The following MOB1A variants were observed in gnomAD, a reference collection of about 807,000 sequenced individuals.
MOB1A encodes the protein MOB kinase activator 1A.
MOB1A carries 10 observed loss-of-function variants against 25.1 expected under a neutral mutation model. The observed-to-expected ratio is 0.40, with a 90% CI of 0.25 to 0.68. The LOEUF (loss-of-function observed/expected upper bound fraction) is 0.68, where lower values mean the gene tolerates loss of function less well. MOB1A is among the 30% of genes least tolerant of loss of function. The pLI is 0.40. For missense variants in MOB1A, 177 were observed against 256.3 expected (o/e 0.69, Z 2.11); for synonymous variants, 81 against 79.5 (o/e 1.02, Z -0.10).
intron 1 of MOB1A, among the ~76,000 whole-genome samples, chr2:74,174,196 A>C (rs1572967301): frequency 6.9e-6 from 1 of 144,928 alleles, no homozygotes; most frequent in East Asian, 2.2e-4. Context: ...GCTTGAACCC[A>C]GGAGGCGGAG....
intron 4 of MOB1A, chr2:74,164,530 A>AAG (rs1693070588): frequency 6.9e-6 from 1 of 144,856 alleles, no homozygotes; most frequent in East Asian, 1.9e-4. Flanking sequence ...AAAATAAAAA[A>AAG]ATAAAAAAAG....
Position 74,154,845 on chromosome 2 carries a change from TTC to T in MOB1A, c.*1721_*1722del, listed in dbSNP as rs796834828. ...TTGTGGAATGTCTAATAGAGGGCTT[TTC>T]TCTCTTTTTTTTAATAATGACTGTC... On this transcript the variant is annotated 3_prime_UTR_variant, in exon 6 of 6. Coordinates refer to ENST00000396049, the MANE Select transcript of MOB1A (RefSeq NM_018221.5). 2.0e-5 allele frequency: 3 copies of T among 152,184 alleles called. No individual in the cohort carries two copies. Among genetic ancestry groups the T allele is most frequent in the Non-Finnish European group, 2.9e-5 (2 of 68,024 alleles). The allele number at this position is 152,184 out of a possible 1,614,324, so 9.4% of individuals were successfully genotyped here. A position where few individuals can be genotyped will look rare whatever the true frequency, so the allele number is the denominator to read the frequency against.
At position 74,154,790 on chromosome 2, in the gene MOB1A, T is replaced by C. The variant is rs1692757176; in HGVS notation, c.*1778A>G. On this transcript the variant is annotated 3_prime_UTR_variant, in exon 6 of 6. Transcript: ENST00000396049. ...CATGAACATACAGAATGGCTGACAT[T>C]TGGACCTTTGGATAAGCTTAAAACA... The C allele has an allele frequency of 6.6e-6, 1 of 152,200 alleles. No individual in the cohort carries two copies. The highest frequency in any genetic ancestry group is 6.5e-5 in the Admixed American group (1 of 15,268). The allele number at this position is 152,200 out of a possible 1,614,324, so 9.4% of individuals were successfully genotyped here. A position where few individuals can be genotyped will look rare whatever the true frequency, so the allele number is the denominator to read the frequency against.
At chr2:74,165,601 C>A (rs1221711297) in intron 3 of MOB1A, among the ~76,000 whole-genome samples, 1 of 151,914 alleles carries the variant, frequency 6.6e-6, no homozygotes, top group African/African-American at 2.4e-5. Context: ...TTATTAACAA[C>A]ACAGCCCTGG....
rs1426323487 is a variant in MOB1A at position 74,168,077 on chromosome 2, T to G, written c.182-970A>C. On this transcript the variant is annotated intron_variant, in intron 2 of 5. Transcript: ENST00000396049. ...CTGCTTGAGCCCAGGAGGCTGAGGTTGCCGTGAGCTGTGATGGTGCTACTG... is the reference window on the plus strand; with the variant it reads ...CTGCTTGAGCCCAGGAGGCTGAGGTGGCCGTGAGCTGTGATGGTGCTACTG... Among the ~76,000 whole-genome samples, 5 of 152,328 alleles carry G rather than the reference T, an allele frequency of 3.3e-5. No homozygotes were observed. In the East Asian group the frequency reaches 9.6e-4, roughly 29 times the overall value.
At chr2:74,170,724 CAA>C (rs34655105) in intron 2 of MOB1A, among the ~76,000 whole-genome samples, 4 of 121,884 alleles carry the variant, frequency 3.3e-5, no homozygotes, top group African/African-American at 6.2e-5. Flanking sequence ...GATTCCATCT[CAA>C]AAAAAAAAAA....
intron 1 of MOB1A, among the ~76,000 whole-genome samples, chr2:74,176,712 C>A (rs1286032595): frequency 6.8e-6 from 1 of 147,248 alleles, no homozygotes; most frequent in South Asian, 2.1e-4. Flanking sequence ...TACAGTGAGC[C>A]GAGATTGAGC....
rs1692809298 is a variant in MOB1A at position 74,156,434 on chromosome 2, T to C, written c.*134A>G. 2.7e-6 allele frequency: 2 copies of C among 733,872 alleles called. No homozygotes were observed. The highest frequency in any genetic ancestry group is 2.7e-5 in the Admixed American group (1 of 37,332). The allele number at this position is 733,872 out of a possible 1,614,324, so 45.5% of individuals were successfully genotyped here. A position where few individuals can be genotyped will look rare whatever the true frequency, so the allele number is the denominator to read the frequency against. ...CCAACCTACCTTTGGGATAATTTTA[T>C]CAGTAGACACAGGCAATGGGTATCT... On this transcript the variant is annotated 3_prime_UTR_variant, in exon 6 of 6. Coordinates refer to ENST00000396049, the MANE Select transcript of MOB1A (RefSeq NM_018221.5).
intron 1 of MOB1A, among the ~76,000 whole-genome samples, chr2:74,175,603 T>C (rs1429221146): frequency 6.6e-6 from 1 of 152,198 alleles, no homozygotes; most frequent in Non-Finnish European, 1.5e-5. Flanking sequence ...CCTCTAGATA[T>C]GGATAAGAAT....
chr2:74,178,709 GCC>G lies in MOB1A; in HGVS notation c.-37_-36del. The stretch of plus-strand genomic sequence containing the variant: ...TCAGAGGGGAGGCGAGGGGCCCCTG[GCC>G]CCCGCCTGGATCAGGATTCGGAGCT... On this transcript the variant is annotated 5_prime_UTR_variant, in exon 1 of 6. Coordinates refer to ENST00000396049, the MANE Select transcript of MOB1A (RefSeq NM_018221.5). 8.2e-7 allele frequency: 1 copy of G among 1,219,878 alleles called. No homozygotes were observed. Among genetic ancestry groups the G allele is most frequent in the Non-Finnish European group, 1.0e-6 (1 of 956,820 alleles). 75.6% of individuals were successfully genotyped at this position (1,219,878 alleles called of 1,614,324 possible). A position where few individuals can be genotyped will look rare whatever the true frequency, so the allele number is the denominator to read the frequency against.
At chr2:74,170,218 T>G (rs1482600637) in intron 2 of MOB1A, among the ~76,000 whole-genome samples, 1 of 151,740 alleles carries the variant, frequency 6.6e-6, no homozygotes, top group Non-Finnish European at 1.5e-5. Context: ...CTCAGCTCAC[T>G]GCAACCTCCA....
At chr2:74,170,256 A>G (rs1693249709) in intron 2 of MOB1A, among the ~76,000 whole-genome samples, 3 of 151,728 alleles carry the variant, frequency 2.0e-5, no homozygotes, top group Admixed American at 2.0e-4. Flanking sequence ...CTCCTGCCTC[A>G]GCCTCCAAGT....
At chr2:74,169,608 A>AT (rs1402567616) in intron 2 of MOB1A, among the ~76,000 whole-genome samples, 2 of 151,586 alleles carry the variant, frequency 1.3e-5, no homozygotes, top group Admixed American at 6.6e-5. Context: ...GTTCTCAATA[A>AT]TTTTTTTTGT....
chr2:74,174,903 A>G (rs1185299140), intron 1 of MOB1A, among the ~76,000 whole-genome samples: 2 of 152,228 alleles, frequency 1.3e-5, no homozygotes, highest in East Asian at 3.8e-4. Flanking sequence ...TGTTCAATTA[A>G]AGTAAGATTT....
At chr2:74,178,556 C>CA in intron 1 of MOB1A, 105 bp downstream of exon 1, 2 of 815,964 alleles carry the variant, frequency 2.5e-6, no homozygotes, top group Non-Finnish European at 3.4e-6. Flanking sequence ...CCAGCTACCC[C>CA]GCCCCCGCCT....
At chr2:74,158,640 G>T (rs1692871371) in intron 5 of MOB1A, among the ~76,000 whole-genome samples, 2 of 152,020 alleles carry the variant, frequency 1.3e-5, no homozygotes, top group South Asian at 4.1e-4. Flanking sequence ...TTAGTTGGGG[G>T]TGGTGGTGGG....
intron 2 of MOB1A, 48 bp downstream of exon 2, chr2:74,172,538 T>A: frequency 6.4e-7 from 1 of 1,560,390 alleles, no homozygotes; most frequent in Non-Finnish European, 8.7e-7. Context: ...CAAAGAGATT[T>A]TAGCAAAACC....
intron 1 of MOB1A, among the ~76,000 whole-genome samples, chr2:74,177,826 G>A (rs1015057489): frequency 6.6e-6 from 1 of 152,156 alleles, no homozygotes; most frequent in Non-Finnish European, 1.5e-5. Flanking sequence ...AAAAAATACT[G>A]TGCCAGAGCA....
At chr2:74,163,089 A>T (rs1412983652) in intron 4 of MOB1A, among the ~76,000 whole-genome samples, 1 of 152,228 alleles carries the variant, frequency 6.6e-6, no homozygotes, top group Non-Finnish European at 1.5e-5. Flanking sequence ...CAGAAATACT[A>T]GAAGTACTTG....
Sources: gnomAD v4.1 joint callset for allele counts (sites outside exome capture counted in the v4.1 genomes callset) on GRCh38, gnomAD v4.1.1 for gene constraint, MANE v1.5 for transcripts, NCBI Gene and HGNC (gene_info 2026-07-23, HGNC 2026-07-21) for gene names.